The following GRIK5 variants were observed in gnomAD, a reference collection of about 807,000 sequenced individuals.
The protein encoded by GRIK5 is glutamate ionotropic receptor kainate type subunit 5.
GRIK5 carries 43 observed loss-of-function variants against 97.4 expected under a neutral mutation model. The ratio of observed to expected loss-of-function variants is 0.44; its 90% CI spans 0.35 to 0.57. The LOEUF (loss-of-function observed/expected upper bound fraction) is 0.57. Among genes scored for constraint, GRIK5 ranks in the 20% least tolerant of loss-of-function variants. The pLI, the probability that GRIK5 is intolerant of heterozygous loss-of-function variation, is 0.01. For missense variants in GRIK5, 1,015 were observed against 1,382.0 expected, an observed-to-expected ratio of 0.73 and a Z score of 4.21; for synonymous variants, 580 against 583.5, an observed-to-expected ratio of 0.99 and a Z score of 0.09.
intron 15 of GRIK5, among the ~76,000 whole-genome samples, chr19:42,018,320 T>C (rs2075652660): frequency 6.9e-6 from 1 of 144,896 alleles, no homozygotes; most frequent in South Asian, 2.2e-4. Context: ...CGAGACTCTG[T>C]CTCAAAAAAA....
At chr19:42,051,426 G>GA (rs2146134442) in intron 11 of GRIK5, among the ~76,000 whole-genome samples, 1 of 152,162 alleles carries the variant, frequency 6.6e-6, no homozygotes, top group Non-Finnish European at 1.5e-5. Context: ...GGCCAACAAG[G>GA]AGCCTTCCTG....
At chr19:42,005,672 G>C (rs781892070) in intron 17 of GRIK5, 51 bp downstream of exon 17, 1 of 1,320,286 alleles carries the variant, frequency 7.6e-7, no homozygotes. Flanking sequence ...GCTCACAGGT[G>C]GTTTTGGATG....
At position 42,042,852 on chromosome 19, in the gene GRIK5, G is replaced by T; in HGVS notation, c.1270-97C>A. 1.2e-6 allele frequency: 1 copy of T among 853,124 alleles called. No individual in the cohort carries two copies. Among genetic ancestry groups the T allele is most frequent in the Non-Finnish European group, 1.9e-6 (1 of 537,540 alleles). 52.8% of individuals were successfully genotyped at this position (853,124 alleles called of 1,614,324 possible). ...GACCAGGCAGGTAGAGCAGGAATCT[G>T]CTTGCTGAGCACGGTTGATTTATTC... On this transcript the variant is annotated intron_variant, in intron 11 of 19. Transcript: ENST00000593562. This position sits in a 1 kb window ranked among gnomAD's most constrained non-coding sequence, Gnocchi z 6.9.
In GRIK5 at chr19:42,042,838, T is replaced by C; in HGVS notation, c.1270-83A>G. The stretch of plus-strand genomic sequence containing the variant: ...GATCCTGGAGCCCGGACCAGGCAGG[T>C]AGAGCAGGAATCTGCTTGCTGAGCA... On this transcript the variant is annotated intron_variant, in intron 11 of 19. Coordinates refer to ENST00000593562, the MANE Select transcript of GRIK5 (RefSeq NM_002088.5). The surrounding 1 kb of genome is among the most constrained non-coding windows in gnomAD (Gnocchi z 6.9). The C allele has an allele frequency of 9.7e-7, 1 of 1,035,740 alleles. No homozygotes were observed. The highest frequency in any genetic ancestry group is 1.4e-6 in the Non-Finnish European group (1 of 692,824). The allele number at this position is 1,035,740 out of a possible 1,614,324, so 64.2% of individuals were successfully genotyped here. A position where few individuals can be genotyped will look rare whatever the true frequency, so the allele number is the denominator to read the frequency against.
intron 15 of GRIK5, among the ~76,000 whole-genome samples, chr19:42,020,379 C>T (rs1258927813): frequency 1.3e-5 from 2 of 152,194 alleles, no homozygotes; most frequent in African/African-American, 4.8e-5. Context: ...AGCTCCTCTG[C>T]CTCTCCAGGA....
chr19:42,014,945 G>C (rs1278446956), intron 15 of GRIK5, among the ~76,000 whole-genome samples: 2 of 152,172 alleles, frequency 1.3e-5, no homozygotes, highest in Non-Finnish European at 2.9e-5. Flanking sequence ...GATGGGCCGA[G>C]ACTAAAAGAA....
In GRIK5 at chr19:42,062,510, G is replaced by A; in HGVS notation, c.486C>T (p.Ser162=). The change falls in exon 5 of 20, where the codon AGC becomes AGT. Residue 162 remains serine, a synonymous_variant. Coordinates refer to ENST00000593562, the MANE Select transcript of GRIK5 (RefSeq NM_002088.5). This position sits in a 1 kb window ranked among gnomAD's most constrained non-coding sequence, Gnocchi z 5.3. Reference sequence around the variant, plus strand: ...CACACTCAGCCTTGGCGCAGATGAGGCTGGCCGAGGGGTAGTTGAAGGACT... The same window carrying A: ...CACACTCAGCCTTGGCGCAGATGAGACTGGCCGAGGGGTAGTTGAAGGACT... ...ILKSFNYPSA[S]LICAKAECLL... 2 of 1,614,162 alleles carry A rather than the reference G, an allele frequency of 1.2e-6. No individual in the cohort carries two copies. Among genetic ancestry groups the A allele is most frequent in the South Asian group, 1.1e-5 (1 of 91,082 alleles).
intron 12 of GRIK5, among the ~76,000 whole-genome samples, chr19:42,038,971 C>T (rs905198643): frequency 1.3e-5 from 2 of 152,170 alleles, no homozygotes; most frequent in Non-Finnish European, 2.9e-5. Flanking sequence ...AAGCCAGACA[C>T]AGGAGGAATG....
chr19:42,004,994 C>T (rs1398803575), intron 17 of GRIK5, among the ~76,000 whole-genome samples: 5 of 152,072 alleles, frequency 3.3e-5, no homozygotes, highest in Admixed American at 1.3e-4. Context: ...TCCCTGGCAC[C>T]GACTCACCTA....
At chr19:42,026,507 G>C (rs896767872) in intron 12 of GRIK5, among the ~76,000 whole-genome samples, 1 of 151,984 alleles carries the variant, frequency 6.6e-6, no homozygotes, top group South Asian at 2.1e-4. Flanking sequence ...GCCTGCCTCA[G>C]CCTCCCAAAG....
intron 8 of GRIK5, 130 bp from the exon 9 acceptor site, chr19:42,054,602 G>A: frequency 2.0e-6 from 2 of 1,025,554 alleles, no homozygotes; most frequent in Non-Finnish European, 2.8e-6. Context: ...GAAACTGGGT[G>A]GGTCAGGAGT....
rs1454605010 is a variant in GRIK5 at position 42,050,664 on chromosome 19, A to G, written c.1269+2938T>C. 1.4e-4 allele frequency among the ~76,000 whole-genome samples: 22 copies of G among 151,766 alleles called. 1 individual carries two copies. The highest frequency in any genetic ancestry group is 1.4e-3 in the Admixed American group (22 of 15,234). ...CAGAGCAAGACTCTGTCTCAAAAAA[A>G]AAAAAAAAAAAATTAAAAAATAATA... On this transcript the variant is annotated intron_variant, in intron 11 of 19. Transcript: ENST00000593562.
At chr19:42,013,043 T>A (rs1316933980) in intron 15 of GRIK5, among the ~76,000 whole-genome samples, 4 of 152,070 alleles carry the variant, frequency 2.6e-5, no homozygotes, top group Non-Finnish European at 5.9e-5. Flanking sequence ...AAAGACCATA[T>A]GATCAACAAA....
chr19:42,019,965 C>T (rs1166075540), intron 15 of GRIK5, among the ~76,000 whole-genome samples: 1 of 149,550 alleles, frequency 6.7e-6, no homozygotes, highest in Non-Finnish European at 1.5e-5. Context: ...ACAAACAGAG[C>T]TTTCATTGGG....
In GRIK5 at chr19:41,999,313, G is replaced by C. The variant is rs1555870418; in HGVS notation, c.2515-14C>G. 2 of 1,504,628 alleles carry C rather than the reference G, an allele frequency of 1.3e-6. No homozygotes were observed. Among genetic ancestry groups the C allele is most frequent in the Admixed American group, 2.1e-5 (1 of 47,686 alleles). The allele number at this position is 1,504,628 out of a possible 1,614,324, so 93.2% of individuals were successfully genotyped here. On this transcript the variant is annotated splice_polypyrimidine_tract_variant and intron_variant, in intron 19 of 19. Transcript: ENST00000593562. The surrounding 1 kb of genome is among the most constrained non-coding windows in gnomAD (Gnocchi z 5.0). ...GCACACCGACACCTGGGGGTGGCGC[G>C]GGCGGTCACCGTCCCGGCGCAGTCC...
intron 1 of GRIK5, chr19:42,068,997 T>C (rs1007763612): frequency 3.8e-6 from 2 of 531,480 alleles, no homozygotes; most frequent in Non-Finnish European, 6.8e-6. Flanking sequence ...ATCAGCCCCG[T>C]AGGACCCCAG....
chr19:42,022,000 G>T lies in GRIK5; in HGVS notation c.1644C>A (p.Leu548=), dbSNP rs770262763. The T allele has an allele frequency of 1.2e-6, 2 of 1,614,088 alleles. No individual in the cohort carries two copies. Among genetic ancestry groups the T allele is most frequent in the Non-Finnish European group, 1.7e-6 (2 of 1,179,948 alleles). The change falls in exon 14 of 20, where the codon CTC becomes CTA. Residue 548 remains leucine, a synonymous_variant. Transcript: ENST00000593562. The surrounding 1 kb of genome is among the most constrained non-coding windows in gnomAD (Gnocchi z 4.2). Reference sequence around the variant, plus strand: ...CAGCCAGGTAGGCAAGAAGCATGAAGAGCCACACAGCAGGGGAGAAGGGGT... The same window carrying T: ...CAGCCAGGTAGGCAAGAAGCATGAATAGCCACACAGCAGGGGAGAAGGGGT... The part of the protein sequence containing the change: ...FLDPFSPAVW[L]FMLLAYLAVS...
chr19:42,028,410 T>C (rs1463082132), intron 12 of GRIK5, among the ~76,000 whole-genome samples: 1 of 152,190 alleles, frequency 6.6e-6, no homozygotes, highest in Non-Finnish European at 1.5e-5. Context: ...GCTCTGCCAA[T>C]AGGGGGCGCT....
Position 42,022,456 on chromosome 19 carries a change from G to T in GRIK5, c.1474-102C>A, listed in dbSNP as rs890342904. ...CGGAGAGTGAGCAACTGAGGGAGGC[G>T]AGAGAGAGAGAGGTAGGGAGGGGGA... On this transcript the variant is annotated intron_variant, in intron 12 of 19. Coordinates refer to ENST00000593562, the MANE Select transcript of GRIK5 (RefSeq NM_002088.5). This position sits in a 1 kb window ranked among gnomAD's most constrained non-coding sequence, Gnocchi z 4.2. 3.0e-6 allele frequency: 3 copies of T among 1,015,600 alleles called. No homozygotes were observed. Among genetic ancestry groups the T allele is most frequent in the Non-Finnish European group, 2.6e-6 (2 of 759,942 alleles). 62.9% of individuals were successfully genotyped at this position (1,015,600 alleles called of 1,614,324 possible). A position where few individuals can be genotyped will look rare whatever the true frequency, so the allele number is the denominator to read the frequency against.
Sources: allele counts gnomAD v4.1 joint callset (sites outside exome capture counted in the v4.1 genomes callset), GRCh38; gene constraint gnomAD v4.1.1; non-coding constraint Gnocchi (gnomAD v3.1); transcripts MANE v1.5; gene names NCBI Gene and HGNC (gene_info 2026-07-23, HGNC 2026-07-21).